The following PCDHGA1 variants were observed in gnomAD, a reference collection of about 807,000 sequenced individuals.
The protein encoded by PCDHGA1 is protocadherin gamma-A1.
A neutral mutation model predicts 58.0 loss-of-function variants in PCDHGA1; 32 were observed. That is an observed-to-expected ratio of 0.55 (90% CI 0.42 to 0.74). The LOEUF (loss-of-function observed/expected upper bound fraction) is 0.74. Among genes scored for constraint, PCDHGA1 ranks in the 30% least tolerant of loss-of-function variants. PCDHGA1 has a pLI of 0.00. For synonymous variants in PCDHGA1, 498 were observed against 501.1 expected, an observed-to-expected ratio of 0.99 and a Z score of 0.08; for missense variants, 1,205 against 1,182.3, an observed-to-expected ratio of 1.02 and a Z score of -0.28.
chr5:141,375,133 A>C, intron 1 of PCDHGA1: 1 of 1,613,958 alleles, frequency 6.2e-7, no homozygotes, highest in South Asian at 1.1e-5. Context: ...TGGTTGTTAC[A>C]TCTGGAAGCA....
chr5:141,384,178 G>A, intron 1 of PCDHGA1: 2 of 1,613,788 alleles, frequency 1.2e-6, no homozygotes, highest in Non-Finnish European at 1.7e-6. Flanking sequence ...AGCCACAGAT[G>A]GTGGAACTCC....
chr5:141,356,699 C>G (rs1303768653), intron 1 of PCDHGA1: 1 of 1,613,914 alleles, frequency 6.2e-7, no homozygotes, highest in Non-Finnish European at 8.5e-7. Flanking sequence ...CAGGGTGCAC[C>G]TCTGTCCTCC....
chr5:141,375,829 A>G, intron 1 of PCDHGA1: 1 of 1,614,140 alleles, frequency 6.2e-7, no homozygotes, highest in African/African-American at 1.3e-5. Context: ...CCCGCTCCGC[A>G]GAGCCCGGCT....
intron 1 of PCDHGA1, chr5:141,405,200 C>T (rs1458944760): frequency 2.5e-6 from 4 of 1,613,508 alleles, no homozygotes; most frequent in Non-Finnish European, 3.4e-6. Flanking sequence ...TCGAGCTTTC[C>T]TACAGACCTA....
chr5:141,392,640 A>T, intron 1 of PCDHGA1: 1 of 651,284 alleles, frequency 1.5e-6, no homozygotes, highest in Non-Finnish European at 2.5e-6. Context: ...CTCACACCTC[A>T]CGAAGACCCG....
At chr5:141,502,074 C>G (rs73794927) in intron 2 of PCDHGA1, among the ~76,000 whole-genome samples, 1,657 of 152,272 alleles carry the variant, frequency 0.011, 27 homozygotes, top group African/African-American at 0.037. Flanking sequence ...CCCCCTTCAC[C>G]TGGGGCTGAG....
rs1444244130 is a variant in PCDHGA1 at position 141,433,401 on chromosome 5, A to ATCTATCTC, written c.2422-61401_2422-61400insCTCTCTAT. The stretch of plus-strand genomic sequence containing the variant: ...TATCTATCTATCTATCTATCTATCT[A>ATCTATCTC]TCTATTACTTTCTTGTACAGACAGG... On this transcript the variant is annotated intron_variant, in intron 1 of 3. Transcript: ENST00000517417. Among the ~76,000 whole-genome samples, 100 of 150,598 alleles carry ATCTATCTC rather than the reference A, an allele frequency of 6.6e-4. 1 individual carries two copies. Among genetic ancestry groups the ATCTATCTC allele is most frequent in the African/African-American group, 2.4e-3 (100 of 40,958 alleles).
chr5:141,366,750 AG>A, intron 1 of PCDHGA1: 1 of 1,607,760 alleles, frequency 6.2e-7, no homozygotes, highest in East Asian at 2.2e-5. Flanking sequence ...CGGCGAGTTC[AG>A]GTTAGTTTTC....
At chr5:141,419,096 G>T in intron 1 of PCDHGA1, 9 of 1,613,918 alleles carry the variant, frequency 5.6e-6, no homozygotes, top group Non-Finnish European at 7.6e-6. Context: ...CCTGGATCGG[G>T]AGCAGACCCC....
chr5:141,404,169 C>T (rs199556803), intron 1 of PCDHGA1: 118 of 1,612,734 alleles, frequency 7.3e-5, no homozygotes, highest in Non-Finnish European at 8.8e-5. Flanking sequence ...AGATTGTTGA[C>T]GGCCCAAATT....
intron 1 of PCDHGA1, chr5:141,374,486 A>C: frequency 6.2e-7 from 1 of 1,611,570 alleles, no homozygotes; most frequent in Non-Finnish European, 8.5e-7. Context: ...CCGATTCTTA[A>C]AGGAAGAATT....
At chr5:141,344,323 C>T in intron 1 of PCDHGA1, 6 of 1,614,032 alleles carry the variant, frequency 3.7e-6, no homozygotes, top group Non-Finnish European at 2.5e-6. Context: ...GAGCTCTGCG[C>T]TCAGATCCCG....
chr5:141,345,250 C>A, intron 1 of PCDHGA1: 1 of 1,613,950 alleles, frequency 6.2e-7, no homozygotes, highest in Non-Finnish European at 8.5e-7. Context: ...CGCTTAGTGA[C>A]GGCCACATCC....
At chr5:141,361,887 C>T in intron 1 of PCDHGA1, 2 of 1,610,304 alleles carry the variant, frequency 1.2e-6, no homozygotes, top group Non-Finnish European at 1.7e-6. Flanking sequence ...CCGCAGAGCC[C>T]GGCTACCTGG....
chr5:141,365,709 C>G (rs1476757852), intron 1 of PCDHGA1: 2 of 1,613,646 alleles, frequency 1.2e-6, no homozygotes, highest in African/African-American at 2.7e-5. Context: ...TACTCCACCT[C>G]TGTCACAGAA....
chr5:141,511,598 A>C lies in PCDHGA1; in HGVS notation c.*425A>C. ...GGTTGGGGTGTTGAAGTACCAAGTA[A>C]CCTACAAGCCTCCTAGTTCTGAAAA... On this transcript the variant is annotated 3_prime_UTR_variant, in exon 4 of 4. Transcript: ENST00000517417. 3.9e-6 allele frequency: 1 copy of C among 255,742 alleles called. No individual in the cohort carries two copies. The highest frequency in any genetic ancestry group is 7.8e-6 in the Non-Finnish European group (1 of 127,952). The allele number at this position is 255,742 out of a possible 1,614,324, so 15.8% of individuals were successfully genotyped here.
chr5:141,403,571 G>T (rs778030830), intron 1 of PCDHGA1: 2 of 1,613,904 alleles, frequency 1.2e-6, no homozygotes, highest in South Asian at 1.1e-5. Flanking sequence ...GGAGGCAACT[G>T]CCCACCACCT....
chr5:141,453,465 A>G (rs1167340749), intron 1 of PCDHGA1, among the ~76,000 whole-genome samples: 2 of 152,098 alleles, frequency 1.3e-5, no homozygotes, highest in African/African-American at 4.8e-5. Flanking sequence ...AAACATTAAC[A>G]TAAAGTCAAA....
intron 1 of PCDHGA1, chr5:141,384,518 C>A: frequency 1.2e-6 from 2 of 1,614,192 alleles, no homozygotes; most frequent in South Asian, 2.2e-5. Context: ...AGCGGGGACC[C>A]GCCTCTCAGC....
Sources: gnomAD v4.1 joint callset for allele counts (sites outside exome capture counted in the v4.1 genomes callset) on GRCh38, gnomAD v4.1.1 for gene constraint, MANE v1.5 for transcripts, NCBI Gene and HGNC (gene_info 2026-07-23, HGNC 2026-07-21) for gene names.